Variants in CIBAR1 observed in about 807,000 individuals in gnomAD.
CIBAR1 encodes the protein CBY1 interacting BAR domain containing 1, also known as CBY1-interacting BAR domain-containing protein 1.
In CIBAR1, 25 loss-of-function variants were observed where a neutral mutation model predicts 44.0. That is an observed-to-expected ratio of 0.57 (90% CI 0.41 to 0.79). CIBAR1 has a LOEUF of 0.79. CIBAR1 is among the 30% of genes least tolerant of loss of function. The pLI, the probability that CIBAR1 is intolerant of heterozygous loss-of-function variation, is 0.00. For synonymous variants in CIBAR1, 115 were observed against 119.0 expected, an observed-to-expected ratio of 0.97 and a Z score of 0.22; for missense variants, 278 against 344.8, an observed-to-expected ratio of 0.81 and a Z score of 1.53.
rs564205451 is a variant in CIBAR1, at chr8:93,722,614, G to A, written c.658-3780G>A. Among the ~76,000 whole-genome samples, 24 of 152,194 alleles carry A rather than the reference G, an allele frequency of 1.6e-4. No homozygotes were observed. The East Asian group carries it at 3.3e-3, about 21-fold the overall frequency. ...TCGAGAGGCTGAGATGGAAGGAATCGCTTGAACCTGGGAGGCAGAGGTTGC... is the reference window on the plus strand; with the variant it reads ...TCGAGAGGCTGAGATGGAAGGAATCACTTGAACCTGGGAGGCAGAGGTTGC... On this transcript the variant is annotated intron_variant, in intron 7 of 8. Coordinates refer to ENST00000518322, the MANE Select transcript of CIBAR1 (RefSeq NM_145269.5).
chr8:93,702,030 C>G (rs544579796), intron 2 of CIBAR1: 1 of 225,234 alleles, frequency 4.4e-6, no homozygotes, highest in Non-Finnish European at 9.0e-6. Context: ...TGATTGTTTT[C>G]TTTCTAAAAG....
intron 6 of CIBAR1, chr8:93,715,510 A>G (rs1032777491): frequency 1.2e-4 from 18 of 152,198 alleles, no homozygotes; most frequent in African/African-American, 4.3e-4. Context: ...TCCTATGCAT[A>G]TATACAGAGA....
At chr8:93,713,064 G>A (rs1437090612) in intron 6 of CIBAR1, among the ~76,000 whole-genome samples, 3 of 116,736 alleles carry the variant, frequency 2.6e-5, no homozygotes, top group East Asian at 2.4e-4. Flanking sequence ...ACAGATTCTC[G>A]CTCTGTCGCC....
intron 3 of CIBAR1, 139 bp downstream of exon 3, chr8:93,703,827 G>A: frequency 1.7e-6 from 1 of 603,606 alleles, no homozygotes; most frequent in Non-Finnish European, 2.7e-6. Context: ...CACTTTGGGA[G>A]GTCGAGGCGG....
chr8:93,701,283 A>G lies in CIBAR1; in HGVS notation c.86A>G (p.Glu29Gly), dbSNP rs1563637011. 1 of 1,613,810 alleles carries G rather than the reference A, an allele frequency of 6.2e-7. No homozygotes were observed. The highest frequency in any genetic ancestry group is 1.7e-5 in the Admixed American group (1 of 60,000). Residue 29 changes from glutamate to glycine, a missense_variant, in exon 2 of 9, where the codon GAA becomes GGA. Glu to Gly is a moderately conservative substitution (Grantham distance 98). Around this residue, in one of 3 missense-constraint regions of CIBAR1, gnomAD observed 183 missense variants for 218.6 expected, o/e 0.84. Coordinates refer to ENST00000518322, the MANE Select transcript of CIBAR1 (RefSeq NM_145269.5). ...AVSNVEKHFGELCQIFAAYVR... is the reference protein window; with the variant it reads ...AVSNVEKHFGGLCQIFAAYVR... ...TCAAATGTGGAGAAGCATTTTGGAG[A>G]ACTGTGCCAAATCTTCGCTGCCTAT... is the stretch of plus-strand genomic sequence containing the variant.
At chr8:93,715,747 T>G (rs1489131411) in intron 6 of CIBAR1, 1 of 152,218 alleles carries the variant, frequency 6.6e-6, no homozygotes, top group Non-Finnish European at 1.5e-5. Flanking sequence ...ATCATTTTTT[T>G]GTTATCTTTA....
In CIBAR1 at chr8:93,700,608, C is replaced by T. The variant is rs1046966406; in HGVS notation, c.-40C>T. 1.4e-6 allele frequency: 2 copies of T among 1,479,150 alleles called. No homozygotes were observed. The highest frequency in any genetic ancestry group is 1.3e-5 in the South Asian group (1 of 77,136). The allele number at this position is 1,479,150 out of a possible 1,614,324, so 91.6% of individuals were successfully genotyped here. A position where few individuals can be genotyped will look rare whatever the true frequency, so the allele number is the denominator to read the frequency against. On this transcript the variant is annotated 5_prime_UTR_variant, in exon 1 of 9. Coordinates refer to ENST00000518322, the MANE Select transcript of CIBAR1 (RefSeq NM_145269.5). ...GCCCAGGCGCCTTGGAATCCCCGTC[C>T]TTGGGCCCCCGCAAGGTCCCCGGCC... is the stretch of plus-strand genomic sequence containing the variant.
At chr8:93,713,745 C>T (rs1810924901) in intron 6 of CIBAR1, among the ~76,000 whole-genome samples, 1 of 152,158 alleles carries the variant, frequency 6.6e-6, no homozygotes, top group Non-Finnish European at 1.5e-5. Flanking sequence ...ACTATTCTTT[C>T]CTCAATTGAA....
chr8:93,713,033 CTTTTTT>C (rs149552672), intron 6 of CIBAR1, among the ~76,000 whole-genome samples: 3 of 128,816 alleles, frequency 2.3e-5, no homozygotes, highest in Admixed American at 8.9e-5. Flanking sequence ...CCTTTTTTTT[CTTTTTT>C]TTTTTTTTTT....
chr8:93,708,050 C>T, intron 5 of CIBAR1, 34 bp downstream of exon 5: 1 of 1,522,792 alleles, frequency 6.6e-7, no homozygotes, highest in South Asian at 1.2e-5. Context: ...AGAAATGGAT[C>T]CTTATAGTAA....
intron 5 of CIBAR1, 129 bp downstream of exon 5, chr8:93,708,145 T>G: frequency 1.8e-6 from 1 of 541,746 alleles, no homozygotes; most frequent in Non-Finnish European, 3.0e-6. Context: ...CACAGAACTT[T>G]GACAACAAAT....
intron 3 of CIBAR1, 27 bp downstream of exon 3, chr8:93,703,715 CTG>C (rs1284359653): frequency 6.6e-7 from 1 of 1,516,150 alleles, no homozygotes; most frequent in Non-Finnish European, 8.9e-7. Context: ...TCTCACTTAA[CTG>C]TGAGTTACTC....
Position 93,700,963 on chromosome 8 carries a change from G to A in CIBAR1, c.27-261G>A. 2.2e-6 allele frequency: 3 copies of A among 1,378,596 alleles called. No individual in the cohort carries two copies. In the East Asian group the frequency reaches 8.3e-5, roughly 38 times the overall value. 85.4% of individuals were successfully genotyped at this position (1,378,596 alleles called of 1,614,324 possible). ...GGAGGCAGCCGGGCGCCCAGGCCGC[G>A]CTGCGCGGAGCAGCCGGAGCAGCCA... On this transcript the variant is annotated intron_variant, in intron 1 of 8. Transcript: ENST00000518322.
chr8:93,720,696 C>A (rs1301817837), intron 7 of CIBAR1: 1 of 152,070 alleles, frequency 6.6e-6, no homozygotes, highest in African/African-American at 2.4e-5. Context: ...CATGGTGAAA[C>A]CCCATCTCTA....
At chr8:93,708,169 A>G (rs932525959) in intron 5 of CIBAR1, among the ~76,000 whole-genome samples, 153 bp downstream of exon 5, 5 of 152,186 alleles carry the variant, frequency 3.3e-5, no homozygotes, top group Admixed American at 6.5e-5. Flanking sequence ...AACTTTTTCT[A>G]TGATTAATTA....
intron 6 of CIBAR1, among the ~76,000 whole-genome samples, chr8:93,717,863 C>T (rs1011233393): frequency 4.6e-5 from 7 of 152,124 alleles, no homozygotes; most frequent in Non-Finnish European, 7.4e-5. Context: ...TTTTCCACAC[C>T]TACTGATTAC....
intron 6 of CIBAR1, among the ~76,000 whole-genome samples, chr8:93,716,614 C>T (rs1811047049): frequency 6.6e-6 from 1 of 152,106 alleles, no homozygotes; most frequent in Non-Finnish European, 1.5e-5. Context: ...TGTATTTTCT[C>T]ATTTTACTGC....
intron 5 of CIBAR1, 117 bp from the exon 6 acceptor site, chr8:93,709,654 A>C: frequency 3.9e-6 from 3 of 764,816 alleles, no homozygotes; most frequent in South Asian, 3.0e-5. Context: ...AATATTAACA[A>C]TTTACACTGT....
chr8:93,707,867 A>C, intron 4 of CIBAR1, 144 bp from the exon 5 acceptor site: 1 of 475,622 alleles, frequency 2.1e-6, no homozygotes, highest in Non-Finnish European at 3.6e-6. Context: ...GAACTGAATT[A>C]CATAAGTAAC....
Sources: gnomAD v4.1 joint callset for allele counts (sites outside exome capture counted in the v4.1 genomes callset) on GRCh38, gnomAD v4.1.1 for gene constraint, gnomAD v4.1.1 regional missense constraint, MANE v1.5 for transcripts, NCBI Gene and HGNC (gene_info 2026-07-23, HGNC 2026-07-21) for gene names.